The following DENND2B variants were observed in gnomAD, a reference collection of about 807,000 sequenced individuals.
DENND2B encodes DENN domain containing 2B.
A neutral mutation model predicts 116.0 loss-of-function variants in DENND2B; 32 were observed. That is an observed-to-expected ratio of 0.28 (90% CI 0.21 to 0.37). DENND2B has a LOEUF of 0.37. Among genes scored for constraint, DENND2B ranks in the 10% least tolerant of loss-of-function variants. DENND2B has a pLI of 1.00. For synonymous variants in DENND2B, 588 were observed against 583.9 expected (o/e 1.01, Z -0.10); for missense variants, 1,276 against 1,477.7 (o/e 0.86, Z 2.24).
intron 4 of DENND2B, among the ~76,000 whole-genome samples, chr11:8,835,244 C>T (rs1374576823): frequency 6.6e-6 from 1 of 152,106 alleles, no homozygotes; most frequent in African/African-American, 2.4e-5. Context: ...ACTCTGTCTC[C>T]AAACAAACAA....
chr11:8,877,026 C>G (rs569304522), intron 2 of DENND2B, among the ~76,000 whole-genome samples: 2 of 151,872 alleles, frequency 1.3e-5, no homozygotes, highest in Non-Finnish European at 2.9e-5. Context: ...AAAGGCTCAT[C>G]CAACCTGGAT....
chr11:8,876,710 C>G (rs961972568), intron 2 of DENND2B, among the ~76,000 whole-genome samples: 7 of 151,980 alleles, frequency 4.6e-5, no homozygotes, highest in African/African-American at 1.7e-4. Context: ...AACCCCGTCT[C>G]TTCTAAAAAA....
At chr11:8,738,265 A>G (rs1592964274) in intron 2 of DENND2B, among the ~76,000 whole-genome samples, 1 of 152,182 alleles carries the variant, frequency 6.6e-6, no homozygotes, top group Non-Finnish European at 1.5e-5. Context: ...TTTACGCTTC[A>G]GTTGATCACT....
intron 1 of DENND2B, among the ~76,000 whole-genome samples, chr11:8,756,640 G>A (rs1193712431): frequency 6.6e-6 from 1 of 152,210 alleles, no homozygotes; most frequent in Non-Finnish European, 1.5e-5. Context: ...TTGAGGAGCT[G>A]AAGGCCAGGT....
At chr11:8,803,491 C>T (rs1024519727) in intron 1 of DENND2B, among the ~76,000 whole-genome samples, 2 of 152,222 alleles carry the variant, frequency 1.3e-5, no homozygotes, top group African/African-American at 2.4e-5. Context: ...TCCCCAAGAT[C>T]ACCCAGCAAA....
At chr11:8,826,975 G>A (rs190318785) in intron 4 of DENND2B, among the ~76,000 whole-genome samples, 31 of 152,282 alleles carry the variant, frequency 2.0e-4, no homozygotes, top group Admixed American at 3.9e-4. Flanking sequence ...TGGAGGGAAC[G>A]GGGAGAGTAG....
At chr11:8,746,013 G>A (rs191091454) in intron 2 of DENND2B, among the ~76,000 whole-genome samples, 2 of 151,808 alleles carry the variant, frequency 1.3e-5, no homozygotes, top group East Asian at 3.9e-4. Flanking sequence ...CTAAGTTTGG[G>A]GTCATTTGTT....
At chr11:8,883,830 G>A (rs1026392540) in intron 1 of DENND2B, among the ~76,000 whole-genome samples, 5 of 152,136 alleles carry the variant, frequency 3.3e-5, no homozygotes, top group African/African-American at 7.2e-5. Context: ...AGATACCATC[G>A]TCTTCAAAAT....
chr11:8,878,337 C>T (rs769808704), intron 2 of DENND2B, among the ~76,000 whole-genome samples: 2 of 151,998 alleles, frequency 1.3e-5, no homozygotes, highest in African/African-American at 4.8e-5. Context: ...CATAGCAGCA[C>T]TATATACAGG....
Position 8,694,042 on chromosome 11 carries a change from C to G in DENND2B, c.*54G>C, listed in dbSNP as rs1003450217. On this transcript the variant is annotated 3_prime_UTR_variant, in exon 20 of 20. Transcript: ENST00000313726. Reference sequence around the variant, plus strand: ...CCCAGAGGGTCCCAGGCTGGGCCTTCTCCCCAGGCTTCAGGCTCTGCAAGG... The same window carrying G: ...CCCAGAGGGTCCCAGGCTGGGCCTTGTCCCCAGGCTTCAGGCTCTGCAAGG... The G allele has an allele frequency of 5.0e-6, 8 of 1,606,938 alleles. No homozygotes were observed. The African/African-American group carries it at 9.4e-5, about 19-fold the overall frequency.
In DENND2B at chr11:8,803,445, G is replaced by A. The variant is rs1477432333; in HGVS notation, c.-26+7072C>T. Among the ~76,000 whole-genome samples the A allele has an allele frequency of 2.0e-5, 3 of 152,272 alleles. No homozygotes were observed. In the South Asian group the frequency reaches 6.2e-4, roughly 32 times the overall value. ...CTGAATCCATGCCTTCTACTTTCTG[G>A]AAGAGGAGACTGAACCCTAGAGAAG... On this transcript the variant is annotated intron_variant, in intron 1 of 19. Transcript: ENST00000313726.
At chr11:8,741,293 T>C (rs1021651952) in intron 2 of DENND2B, among the ~76,000 whole-genome samples, 1 of 152,210 alleles carries the variant, frequency 6.6e-6, no homozygotes, top group South Asian at 2.1e-4. Context: ...AGCTGATTTC[T>C]AAGGAAGCAC....
chr11:8,871,326 G>C (rs1335792728), intron 1 of DENND2B: 1 of 152,344 alleles, frequency 6.6e-6, no homozygotes, highest in Non-Finnish European at 1.5e-5. Flanking sequence ...AAACTGGACG[G>C]CCCTCACCTC....
Position 8,702,732 on chromosome 11 carries a change from C to T in DENND2B, c.2572-12G>A, listed in dbSNP as rs753808638. The T allele has an allele frequency of 1.1e-5, 17 of 1,610,346 alleles. No individual in the cohort carries two copies. The East Asian group carries it at 1.3e-4, about 13-fold the overall frequency. On this transcript the variant is annotated splice_polypyrimidine_tract_variant and intron_variant, in intron 13 of 19. Coordinates refer to ENST00000313726, the MANE Select transcript of DENND2B (RefSeq NM_213618.2). The surrounding 1 kb of genome is among the most constrained non-coding windows in gnomAD (Gnocchi z 4.6). ...CGCAGCTCTAACACCTGCAGGAGAG[C>T]GATGGGAAAGTGGGCCGGGGCCAGC...
intron 1 of DENND2B, among the ~76,000 whole-genome samples, chr11:8,784,887 A>G (rs1034059139): frequency 6.6e-6 from 1 of 152,124 alleles, no homozygotes; most frequent in African/African-American, 2.4e-5. Context: ...TGGGCTGGTA[A>G]GCCAGCGGGT....
chr11:8,782,668 C>T (rs1180264868), intron 1 of DENND2B, among the ~76,000 whole-genome samples: 3 of 151,970 alleles, frequency 2.0e-5, no homozygotes, highest in Non-Finnish European at 2.9e-5. Flanking sequence ...AGGCAGATCA[C>T]GAGGTCAGGA....
upstream of DENND2B, chr11:8,871,550 C>T (rs889714471): frequency 2.0e-5 from 3 of 152,106 alleles, no homozygotes; most frequent in Admixed American, 2.0e-4. Flanking sequence ...TCAAACAAAC[C>T]GATGAGCTCT....
chr11:8,802,799 A>G (rs1393726433), intron 1 of DENND2B, among the ~76,000 whole-genome samples: 1 of 152,188 alleles, frequency 6.6e-6, no homozygotes, highest in Non-Finnish European at 1.5e-5. Flanking sequence ...CTGTTAACCA[A>G]AATTTTCCCA....
intron 2 of DENND2B, among the ~76,000 whole-genome samples, chr11:8,735,505 G>T (rs2048866869): frequency 6.6e-6 from 1 of 152,360 alleles, no homozygotes; most frequent in South Asian, 2.1e-4. Flanking sequence ...GCAGTAAAAA[G>T]ATGCAGGTGG....
Sources: allele counts gnomAD v4.1 joint callset (sites outside exome capture counted in the v4.1 genomes callset), GRCh38; gene constraint gnomAD v4.1.1; non-coding constraint Gnocchi (gnomAD v3.1); transcripts MANE v1.5; gene names NCBI Gene and HGNC (gene_info 2026-07-23, HGNC 2026-07-21).